PDE6C: variants seen among roughly 807,000 people sequenced by gnomAD.
PDE6C encodes the protein phosphodiesterase 6C.
PDE6C carries 75 observed loss-of-function variants against 113.1 expected under a neutral mutation model. The observed-to-expected ratio is 0.66, with a 90% CI of 0.55 to 0.80. The LOEUF is 0.80. PDE6C is among the 30% of genes least tolerant of loss of function. The pLI, the probability that PDE6C is intolerant of heterozygous loss-of-function variation, is 0.00. For missense variants in PDE6C, 912 were observed against 1,038.6 expected, an observed-to-expected ratio of 0.88 and a Z score of 1.67; for synonymous variants, 375 against 363.7, an observed-to-expected ratio of 1.03 and a Z score of -0.35.
At chr10:93,661,231 G>GC (rs2058664419) in intron 18 of PDE6C, among the ~76,000 whole-genome samples, 1 of 152,044 alleles carries the variant, frequency 6.6e-6, no homozygotes, top group Admixed American at 6.6e-5. Context: ...CACACTCCCA[G>GC]CATCAATTCC....
At chr10:93,659,469 A>T (rs934498060) in intron 18 of PDE6C, among the ~76,000 whole-genome samples, 1 of 152,192 alleles carries the variant, frequency 6.6e-6, no homozygotes, top group African/African-American at 2.4e-5. Context: ...TGCTGCTGCT[A>T]ATAAAGACAT....
At chr10:93,653,397 C>G (rs924980218) in intron 15 of PDE6C, among the ~76,000 whole-genome samples, 1 of 152,092 alleles carries the variant, frequency 6.6e-6, no homozygotes, top group South Asian at 2.1e-4. Flanking sequence ...AATCCCAGCA[C>G]TTTGGGAGGC....
At chr10:93,641,191 C>T (rs968828949) in intron 14 of PDE6C, among the ~76,000 whole-genome samples, 162 bp downstream of exon 14, 2 of 152,188 alleles carry the variant, frequency 1.3e-5, no homozygotes, top group African/African-American at 2.4e-5. Flanking sequence ...TCCGCCTTCA[C>T]GATAACGTTG....
At chr10:93,655,634 G>GAAAAAAAAAAAAAAAAAAAAAAAA in intron 15 of PDE6C, 126 bp from the exon 16 acceptor site, 5 of 527,708 alleles carry the variant, frequency 9.5e-6, no homozygotes, top group East Asian at 6.5e-5. Context: ...AAAAAGGAAG[G>GAAAAAAAAAAAAAAAAAAAAAAAA]AAAACAAAAA....
intron 14 of PDE6C, among the ~76,000 whole-genome samples, chr10:93,645,504 A>G (rs2058580058): frequency 6.6e-6 from 1 of 152,150 alleles, no homozygotes; most frequent in Non-Finnish European, 1.5e-5. Context: ...TACTTATATA[A>G]AGCTGTGATC....
At chr10:93,637,551 A>G (rs1384953312) in intron 11 of PDE6C, among the ~76,000 whole-genome samples, 2 of 152,042 alleles carry the variant, frequency 1.3e-5, no homozygotes, top group East Asian at 3.9e-4. Context: ...TTCCCACTTC[A>G]CTAATTCTGT....
intron 1 of PDE6C, among the ~76,000 whole-genome samples, chr10:93,619,711 C>T (rs1294689759): frequency 6.6e-6 from 1 of 152,176 alleles, no homozygotes; most frequent in African/African-American, 2.4e-5. Flanking sequence ...CAGGCATGAA[C>T]CACCCCGCCC....
chr10:93,640,806 G>C lies in PDE6C; in HGVS notation c.1738-114G>C, dbSNP rs1342638178. On this transcript the variant is annotated intron_variant, in intron 13 of 21. Coordinates refer to ENST00000371447, the MANE Select transcript of PDE6C (RefSeq NM_006204.4). ...TACTACAATACTCACAACAAATAAA[G>C]TGAACTTGCTCCAGAAACCTAGTGG... The C allele has an allele frequency of 7.9e-6, 6 of 755,498 alleles. No homozygotes were observed. In the East Asian group the frequency reaches 1.6e-4, roughly 20 times the overall value. The allele number at this position is 755,498 out of a possible 1,614,324, so 46.8% of individuals were successfully genotyped here.
chr10:93,665,337 A>G, intron 21 of PDE6C, 23 bp from the exon 22 acceptor site: 2 of 1,581,580 alleles, frequency 1.3e-6, no homozygotes, highest in Non-Finnish European at 1.7e-6. Flanking sequence ...TCCTAATAAT[A>G]TTGCTTTCCT....
rs778017428 is a variant in PDE6C, at chr10:93,658,907, G to A, written c.2043G>A (p.Arg681=). 6.3e-7 allele frequency: 1 copy of A among 1,596,060 alleles called. No individual in the cohort carries two copies. The highest frequency in any genetic ancestry group is 1.1e-5 in the South Asian group (1 of 90,650). ...ACAGCTGTATCTTTTCTAGGAAGAGGACCATGTTTCAAAAAATTGTTGATG... is the reference window on the plus strand; with the variant it reads ...ACAGCTGTATCTTTTCTAGGAAGAGAACCATGTTTCAAAAAATTGTTGATG... The part of the protein sequence containing the change: ...ATDLALYFKK[R]TMFQKIVDAC... Residue 681 remains arginine (R), a synonymous_variant, in exon 17 of 22, where the codon AGG becomes AGA. Coordinates refer to ENST00000371447, the MANE Select transcript of PDE6C (RefSeq NM_006204.4).
chr10:93,649,882 G>A (rs1234948088), intron 15 of PDE6C, among the ~76,000 whole-genome samples: 1 of 152,184 alleles, frequency 6.6e-6, no homozygotes, highest in East Asian at 1.9e-4. Flanking sequence ...TGGGATTACA[G>A]GTGTGAGCCA....
At chr10:93,638,339 C>T (rs2058543667) in intron 11 of PDE6C, among the ~76,000 whole-genome samples, 1 of 152,060 alleles carries the variant, frequency 6.6e-6, no homozygotes, top group Admixed American at 6.6e-5. Context: ...TTGGGGCTTA[C>T]TTCCCACCCC....
chr10:93,658,106 G>T (rs1419985823), intron 16 of PDE6C, among the ~76,000 whole-genome samples: 1 of 130,024 alleles, frequency 7.7e-6, no homozygotes, highest in Non-Finnish European at 1.6e-5. Context: ...GGAGTTCAAG[G>T]TTCCAGTGAG....
intron 9 of PDE6C, 95 bp from the exon 10 acceptor site, chr10:93,635,402 G>A: frequency 1.1e-6 from 1 of 930,032 alleles, no homozygotes; most frequent in Non-Finnish European, 1.8e-6. Flanking sequence ...GGTTGATGAT[G>A]GAAGGGAGAT....
chr10:93,658,290 A>G (rs1443494645), intron 16 of PDE6C, among the ~76,000 whole-genome samples: 2 of 152,086 alleles, frequency 1.3e-5, no homozygotes, highest in Admixed American at 1.3e-4. Context: ...TATTTTGCTA[A>G]TATAATGAGT....
At position 93,640,446 on chromosome 10, in the gene PDE6C, T is replaced by C. The variant is rs368331638; in HGVS notation, c.1630-4T>C. ...AAAGTCTGAATGGTGTCATCTTCTT[T>C]TAGGTTCTTACCAGATGGATGTACA... On this transcript the variant is annotated splice_region_variant and splice_polypyrimidine_tract_variant and intron_variant, in intron 12 of 21. Coordinates refer to ENST00000371447, the MANE Select transcript of PDE6C (RefSeq NM_006204.4). The C allele has an allele frequency of 3.1e-6, 5 of 1,603,300 alleles. No homozygotes were observed. Among genetic ancestry groups the C allele is most frequent in the Non-Finnish European group, 4.3e-6 (5 of 1,170,232 alleles).
At chr10:93,628,644 G>T (rs1466504627) in intron 7 of PDE6C, among the ~76,000 whole-genome samples, 1 of 152,154 alleles carries the variant, frequency 6.6e-6, no homozygotes, top group East Asian at 1.9e-4. Flanking sequence ...CTCTTGGAAA[G>T]ACATGGTCTT....
chr10:93,653,569 A>G (rs1157782700), intron 15 of PDE6C, among the ~76,000 whole-genome samples: 7 of 151,950 alleles, frequency 4.6e-5, no homozygotes, highest in African/African-American at 1.7e-4. Flanking sequence ...GCTTGAACCC[A>G]GGAGGCAGAG....
chr10:93,634,871 A>T lies in PDE6C; in HGVS notation c.1233A>T (p.Gly411=). The T allele has an allele frequency of 6.2e-7, 1 of 1,614,134 alleles. No homozygotes were observed. Among genetic ancestry groups the T allele is most frequent in the Non-Finnish European group, 8.5e-7 (1 of 1,179,990 alleles). ...GVATFYNRKD[G]KPFDEHDEYI... ...CTACATTTTACAACAGGAAGGATGG[A>T]AAACCTTTCGATGAGCATGATGAAT... The change falls in exon 9 of 22, where the codon GGA becomes GGT. Residue 411 remains glycine, a synonymous_variant. Coordinates refer to ENST00000371447, the MANE Select transcript of PDE6C (RefSeq NM_006204.4).
Sources: gnomAD v4.1 joint callset for allele counts (sites outside exome capture counted in the v4.1 genomes callset) on GRCh38, gnomAD v4.1.1 for gene constraint, MANE v1.5 for transcripts, NCBI Gene and HGNC (gene_info 2026-07-23, HGNC 2026-07-21) for gene names.